The following MLLT10 variants were observed in gnomAD, a reference collection of about 807,000 sequenced individuals.
MLLT10 encodes protein AF-10.
Under a neutral mutation model 129.1 loss-of-function variants are expected in MLLT10, and 30 were observed. That is an observed-to-expected ratio of 0.23 (90% CI 0.17 to 0.32). MLLT10 has a LOEUF of 0.32. MLLT10 is among the 10% of genes least tolerant of loss of function. The pLI is 1.00. For missense variants in MLLT10, 1,119 were observed against 1,268.3 expected (o/e 0.88, Z 1.79); for synonymous variants, 490 against 446.4 (o/e 1.10, Z -1.23).
intron 3 of MLLT10, among the ~76,000 whole-genome samples, chr10:21,571,789 T>G (rs936081878): frequency 8.5e-5 from 13 of 152,322 alleles, no homozygotes; most frequent in Middle Eastern, 3.4e-3. Flanking sequence ...CTTTGTTTTC[T>G]TTTTTCATCT....
intron 9 of MLLT10, among the ~76,000 whole-genome samples, chr10:21,668,266 C>T (rs533386941): frequency 6.6e-6 from 1 of 152,106 alleles, no homozygotes; most frequent in Non-Finnish European, 1.5e-5. Flanking sequence ...CTTGGGCTTA[C>T]TCATAGTGTG....
At chr10:21,642,038 TGAG>T (rs1199012545) in intron 8 of MLLT10, among the ~76,000 whole-genome samples, 2 of 152,144 alleles carry the variant, frequency 1.3e-5, no homozygotes, top group African/African-American at 2.4e-5. Context: ...CTCTTAAGAA[TGAG>T]GAGAACAGCT....
chr10:21,706,022 A>G (rs1168058838), intron 13 of MLLT10, among the ~76,000 whole-genome samples: 1 of 152,186 alleles, frequency 6.6e-6, no homozygotes, highest in Admixed American at 6.5e-5. Context: ...CTGGCCAAGC[A>G]GGCTGCCTTG....
intron 13 of MLLT10, among the ~76,000 whole-genome samples, chr10:21,705,514 G>A (rs866693691): frequency 6.6e-6 from 1 of 152,182 alleles, no homozygotes; most frequent in African/African-American, 2.4e-5. Flanking sequence ...GGTAGCCGGG[G>A]CAGCATTGGT....
chr10:21,642,039 G>A (rs1035417369), intron 8 of MLLT10, among the ~76,000 whole-genome samples: 5 of 152,180 alleles, frequency 3.3e-5, no homozygotes, highest in African/African-American at 1.2e-4. Flanking sequence ...TCTTAAGAAT[G>A]AGGAGAACAG....
chr10:21,591,755 G>A (rs2042529639), intron 4 of MLLT10, among the ~76,000 whole-genome samples: 1 of 150,038 alleles, frequency 6.7e-6, no homozygotes, highest in Non-Finnish European at 1.5e-5. Context: ...ATGGAGTCTC[G>A]GTGTGTTGCC....
At chr10:21,736,095 A>G (rs1336422733) in intron 21 of MLLT10, among the ~76,000 whole-genome samples, 1 of 152,224 alleles carries the variant, frequency 6.6e-6, no homozygotes, top group Non-Finnish European at 1.5e-5. Flanking sequence ...GGTTTTGAAC[A>G]GAATAGTGAA....
Position 21,695,875 on chromosome 10 carries a change from A to G in MLLT10, c.1699+13618A>G, listed in dbSNP as rs374398246. ...ATGGCAGACTTTTTACCTCCTATCC[A>G]GAGCATAGACCAAATTGGACAAGTA... is the stretch of plus-strand genomic sequence containing the variant. On this transcript the variant is annotated intron_variant, in intron 13 of 22. Coordinates refer to ENST00000307729, the MANE Select transcript of MLLT10 (RefSeq NM_001195626.3). Among the ~76,000 whole-genome samples, 105 of 148,994 alleles carry G rather than the reference A, an allele frequency of 7.0e-4. 3 individuals are homozygous for G. The East Asian group carries it at 0.014, about 20-fold the overall frequency.
chr10:21,688,292 G>A (rs934278479), intron 13 of MLLT10, among the ~76,000 whole-genome samples: 2 of 152,078 alleles, frequency 1.3e-5, no homozygotes, highest in Non-Finnish European at 2.9e-5. Context: ...AAATTAACTG[G>A]TAATGCCATT....
At chr10:21,534,858 C>A in intron 2 of MLLT10, 54 bp downstream of exon 2, 2 of 1,328,002 alleles carry the variant, frequency 1.5e-6, no homozygotes, top group Non-Finnish European at 2.0e-6. Flanking sequence ...ACGGTCACCG[C>A]CGCCCCCACC....
chr10:21,689,561 A>ATGTGTATATATATATATATATATG (rs1390788945), intron 13 of MLLT10, among the ~76,000 whole-genome samples: 3 of 90,142 alleles, frequency 3.3e-5, no homozygotes, highest in Admixed American at 1.2e-4. Flanking sequence ...ATATATATAT[A>ATGTGTATATATATATATATATATG]TATGTATATA....
At chr10:21,553,145 C>T (rs1382332368) in intron 3 of MLLT10, among the ~76,000 whole-genome samples, 20 of 152,082 alleles carry the variant, frequency 1.3e-4, no homozygotes, top group Non-Finnish European at 2.9e-5. Context: ...TAGGAAAAGG[C>T]GCATGAGAAA....
intron 8 of MLLT10, among the ~76,000 whole-genome samples, chr10:21,618,905 T>C (rs770285056): frequency 6.6e-6 from 1 of 152,042 alleles, no homozygotes; most frequent in Non-Finnish European, 1.5e-5. Flanking sequence ...TCTAATTTAT[T>C]TGTATTTTTA....
intron 8 of MLLT10, among the ~76,000 whole-genome samples, chr10:21,623,920 T>A (rs2046159270): frequency 6.6e-6 from 1 of 151,260 alleles, no homozygotes; most frequent in African/African-American, 2.5e-5. Flanking sequence ...TAATCTATGG[T>A]TCTTTTTTTT....
At chr10:21,584,380 G>A (rs2041789190) in intron 3 of MLLT10, among the ~76,000 whole-genome samples, 1 of 150,908 alleles carries the variant, frequency 6.6e-6, no homozygotes, top group Non-Finnish European at 1.5e-5. Flanking sequence ...GGCCAGGATG[G>A]TATTGATCTC....
intron 3 of MLLT10, among the ~76,000 whole-genome samples, chr10:21,573,490 T>G (rs993549913): frequency 6.6e-6 from 1 of 152,248 alleles, no homozygotes; most frequent in Non-Finnish European, 1.5e-5. Flanking sequence ...AAGCTTTTTC[T>G]GTATCTATTG....
At chr10:21,580,121 T>C (rs1217314443) in intron 3 of MLLT10, among the ~76,000 whole-genome samples, 1 of 151,404 alleles carries the variant, frequency 6.6e-6, no homozygotes, top group African/African-American at 2.4e-5. Context: ...CAGGCACAAG[T>C]GATCCTCCTG....
intron 22 of MLLT10, among the ~76,000 whole-genome samples, chr10:21,741,072 T>C (rs2058791762): frequency 6.6e-6 from 1 of 152,226 alleles, no homozygotes; most frequent in Admixed American, 6.5e-5. Flanking sequence ...ACTGTGCTTT[T>C]AGTCTTCAGA....
At chr10:21,596,634 T>TAA (rs61434459) in intron 5 of MLLT10, among the ~76,000 whole-genome samples, 1 of 142,194 alleles carries the variant, frequency 7.0e-6, no homozygotes. Flanking sequence ...TTCTTTCTAG[T>TAA]AAAAAAAAAA....
Sources: allele counts gnomAD v4.1 joint callset (sites outside exome capture counted in the v4.1 genomes callset), GRCh38; gene constraint gnomAD v4.1.1; transcripts MANE v1.5; gene names NCBI Gene and HGNC (gene_info 2026-07-23, HGNC 2026-07-21).